Variants in TNKS observed in about 807,000 individuals in gnomAD.
The protein encoded by TNKS is poly [ADP-ribose] polymerase tankyrase-1.
Under a neutral mutation model 135.8 loss-of-function variants are expected in TNKS, and 72 were observed. The ratio of observed to expected loss-of-function variants is 0.53; its 90% CI spans 0.44 to 0.64. TNKS has a LOEUF of 0.64. Among genes scored for constraint, TNKS ranks in the 30% least tolerant of loss-of-function variants. TNKS has a pLI of 0.00. For missense variants in TNKS, 1,769 were observed against 1,674.0 expected, an observed-to-expected ratio of 1.06 and a Z score of -0.99; for synonymous variants, 849 against 649.3, an observed-to-expected ratio of 1.31 and a Z score of -4.68.
intron 2 of TNKS, among the ~76,000 whole-genome samples, chr8:9,598,222 T>A (rs553364863): frequency 6.6e-6 from 1 of 151,998 alleles, no homozygotes; most frequent in East Asian, 1.9e-4. Context: ...ATTTTTTATA[T>A]TTTTTTAGTA....
At chr8:9,580,009 A>C in intron 1 of TNKS, 150 bp from the exon 2 acceptor site, 2 of 652,356 alleles carry the variant, frequency 3.1e-6, no homozygotes, top group Non-Finnish European at 5.3e-6. Flanking sequence ...AGTCAGTTTG[A>C]ATGAAGCTAA....
rs771418445 is a variant in TNKS at position 9,735,438 on chromosome 8, C to A, written c.2595C>A (p.Ala865=). Residue 865 remains alanine, a synonymous_variant, in exon 17 of 27, where the codon GCC becomes GCA. Transcript: ENST00000310430. ...TAGAGCATGGAGCTGATGTTAATGC[C>A]CAGGACAAGGGTGGTTTAATTCCTC... The part of the protein sequence containing the change: ...YLLEHGADVN[A]QDKGGLIPLH... The A allele has an allele frequency of 1.9e-5, 31 of 1,613,776 alleles. No individual in the cohort carries two copies. Among genetic ancestry groups the A allele is most frequent in the Non-Finnish European group, 1.7e-6 (2 of 1,179,994 alleles).
chr8:9,571,315 G>C (rs1036070889), intron 1 of TNKS, among the ~76,000 whole-genome samples: 2 of 152,150 alleles, frequency 1.3e-5, no homozygotes, highest in African/African-American at 4.8e-5. Context: ...GCAGAAATTT[G>C]AATTCTGTCG....
chr8:9,711,276 G>A (rs960449107), intron 11 of TNKS, among the ~76,000 whole-genome samples: 10 of 152,126 alleles, frequency 6.6e-5, no homozygotes, highest in Admixed American at 4.6e-4. Context: ...CTAGGTCCAC[G>A]TGTCAGCCAT....
At chr8:9,748,964 C>G (rs937998528) in intron 18 of TNKS, among the ~76,000 whole-genome samples, 3 of 152,176 alleles carry the variant, frequency 2.0e-5, no homozygotes, top group Non-Finnish European at 4.4e-5. Flanking sequence ...AGGGGCCTCT[C>G]TAGTCCCATG....
At chr8:9,622,656 C>T (rs947360797) in intron 3 of TNKS, among the ~76,000 whole-genome samples, 4 of 152,002 alleles carry the variant, frequency 2.6e-5, no homozygotes, top group South Asian at 2.1e-4. Context: ...TTAGAGTGGC[C>T]CCTAAATATA....
At chr8:9,669,286 C>T (rs904043235) in intron 3 of TNKS, among the ~76,000 whole-genome samples, 22 of 151,314 alleles carry the variant, frequency 1.5e-4, no homozygotes, top group Non-Finnish European at 1.6e-4. Flanking sequence ...GGCGCGGTGG[C>T]GGGCGCCTGT....
chr8:9,735,601 C>T (rs988512806), intron 17 of TNKS, 115 bp downstream of exon 17: 4 of 763,182 alleles, frequency 5.2e-6, no homozygotes, highest in Admixed American at 2.2e-5. Flanking sequence ...GAGGTCGAGA[C>T]AATCCTGGCT....
intron 1 of TNKS, among the ~76,000 whole-genome samples, chr8:9,574,464 A>G (rs1797868198): frequency 6.6e-6 from 1 of 152,170 alleles, no homozygotes; most frequent in Non-Finnish European, 1.5e-5. Flanking sequence ...ACTACTGCAG[A>G]ATTTTCTTGA....
chr8:9,582,222 G>T (rs1585194538), intron 2 of TNKS, among the ~76,000 whole-genome samples: 1 of 152,044 alleles, frequency 6.6e-6, no homozygotes, highest in Admixed American at 6.6e-5. Context: ...TTATTTTCTG[G>T]AGTTGAATAT....
At chr8:9,767,754 T>C (rs1027044659) in intron 25 of TNKS, among the ~76,000 whole-genome samples, 2 of 151,956 alleles carry the variant, frequency 1.3e-5, no homozygotes, top group Non-Finnish European at 2.9e-5. Context: ...CGTCAGGAGA[T>C]TGAGACCATC....
intron 3 of TNKS, among the ~76,000 whole-genome samples, chr8:9,661,631 C>G (rs1180842511): frequency 2.0e-5 from 3 of 152,124 alleles, no homozygotes; most frequent in Non-Finnish European, 4.4e-5. Context: ...CATAAAAACC[C>G]TAGAAGAAAA....
chr8:9,647,700 C>T (rs986838450), intron 3 of TNKS, among the ~76,000 whole-genome samples: 4 of 152,146 alleles, frequency 2.6e-5, no homozygotes, highest in Non-Finnish European at 4.4e-5. Flanking sequence ...CCCTTGAAGT[C>T]AGGGGCCATA....
At chr8:9,644,203 G>A (rs1800826523) in intron 3 of TNKS, among the ~76,000 whole-genome samples, 1 of 152,162 alleles carries the variant, frequency 6.6e-6, no homozygotes, top group Non-Finnish European at 1.5e-5. Context: ...GGTGATGGTA[G>A]CACAACAGTG....
At chr8:9,650,552 C>A (rs4282576) in intron 3 of TNKS, among the ~76,000 whole-genome samples, 20,997 of 152,110 alleles carry the variant, frequency 0.14, 1,651 homozygotes, top group Admixed American at 0.23. Flanking sequence ...TTTTAATTTG[C>A]ATTTCCCTGA....
Position 9,776,821 on chromosome 8 carries a change from C to G in TNKS, c.*85C>G. 3.8e-6 allele frequency: 5 copies of G among 1,306,740 alleles called. No individual in the cohort carries two copies. The highest frequency in any genetic ancestry group is 5.5e-6 in the Non-Finnish European group (5 of 914,348). The allele number at this position is 1,306,740 out of a possible 1,614,324, so 80.9% of individuals were successfully genotyped here. ...TGTTTCTAATAACAACATCAATATT[C>G]TAGAAGTCCCTGACAGCCTAGAAAT... is the stretch of plus-strand genomic sequence containing the variant. On this transcript the variant is annotated 3_prime_UTR_variant, in exon 27 of 27. Coordinates refer to ENST00000310430, the MANE Select transcript of TNKS (RefSeq NM_003747.3).
At chr8:9,588,026 TTAAAA>T in intron 2 of TNKS, among the ~76,000 whole-genome samples, 1 of 152,226 alleles carries the variant, frequency 6.6e-6, no homozygotes, top group Non-Finnish European at 1.5e-5. Flanking sequence ...GTAAGAATTC[TTAAAA>T]TAATTATAAA....
intron 18 of TNKS, among the ~76,000 whole-genome samples, chr8:9,750,486 G>C (rs970464878): frequency 2.6e-5 from 4 of 152,238 alleles, no homozygotes; most frequent in South Asian, 4.1e-4. Flanking sequence ...TTAGGTTTAC[G>C]TTCTACCTTC....
intron 5 of TNKS, among the ~76,000 whole-genome samples, chr8:9,687,624 G>A (rs913319325): frequency 3.3e-5 from 5 of 152,156 alleles, no homozygotes; most frequent in African/African-American, 9.7e-5. Context: ...TTTAGTAGAA[G>A]GGGACCGACC....
Sources: gnomAD v4.1 joint callset for allele counts (sites outside exome capture counted in the v4.1 genomes callset) on GRCh38, gnomAD v4.1.1 for gene constraint, MANE v1.5 for transcripts, NCBI Gene and HGNC (gene_info 2026-07-23, HGNC 2026-07-21) for gene names.